Variants in KCNAB2 observed in about 807,000 individuals in gnomAD.
KCNAB2 encodes the protein potassium voltage-gated channel subfamily A regulatory beta subunit 2, also known as voltage-gated potassium channel subunit beta-2.
In KCNAB2, 29 loss-of-function variants were observed where a neutral mutation model predicts 63.6. The observed-to-expected ratio is 0.46, with a 90% CI of 0.34 to 0.62. The LOEUF (loss-of-function observed/expected upper bound fraction) is 0.62. Among genes scored for constraint, KCNAB2 ranks in the 20% least tolerant of loss-of-function variants. The pLI, the probability that KCNAB2 is intolerant of heterozygous loss-of-function variation, is 0.01. For synonymous variants in KCNAB2, 222 were observed against 224.2 expected, an observed-to-expected ratio of 0.99 and a Z score of 0.09; for missense variants, 359 against 563.9, an observed-to-expected ratio of 0.64 and a Z score of 3.68.
chr1:6,068,433 A>G (rs749393167), intron 2 of KCNAB2, among the ~76,000 whole-genome samples: 2 of 152,304 alleles, frequency 1.3e-5, no homozygotes, highest in Non-Finnish European at 2.9e-5. Flanking sequence ...TCTGCAGACC[A>G]GAGTTCAAAT....
rs568006745 is a variant in KCNAB2, at chr1:6,025,523, G to A, written c.-52-14994G>A. Among the ~76,000 whole-genome samples, 36 of 152,324 alleles carry A rather than the reference G, an allele frequency of 2.4e-4. No individual in the cohort carries two copies. In the East Asian group the frequency reaches 6.8e-3, roughly 29 times the overall value. On this transcript the variant is annotated intron_variant, in intron 1 of 16. Coordinates refer to the KCNAB2 transcript ENST00000341524. Reference sequence around the variant, plus strand: ...AAGAAGGAATGGCAGAGCAGGGAGAGGCCGCGGGGAGGGAGAAAAACCCCG... The same window carrying A: ...AAGAAGGAATGGCAGAGCAGGGAGAAGCCGCGGGGAGGGAGAAAAACCCCG...
At chr1:5,999,916 G>T (rs761485653) in intron 1 of KCNAB2, among the ~76,000 whole-genome samples, 4 of 143,482 alleles carry the variant, frequency 2.8e-5, no homozygotes, top group African/African-American at 1.1e-4. Context: ...TGCCCTGTCT[G>T]TGCCCCGTCC....
intron 1 of KCNAB2, among the ~76,000 whole-genome samples, chr1:6,022,919 G>T (rs1458759806): frequency 2.3e-5 from 3 of 129,400 alleles, no homozygotes; most frequent in African/African-American, 9.0e-5. Context: ...GGGTCTCGCT[G>T]TCACCCAGGC....
At chr1:6,083,889 A>G (rs536526897) in intron 5 of KCNAB2, among the ~76,000 whole-genome samples, 1 of 152,234 alleles carries the variant, frequency 6.6e-6, no homozygotes, top group Non-Finnish European at 1.5e-5. Context: ...AGCCAGAGCC[A>G]CAAGCCACAG....
At chr1:6,016,202 AG>A (rs1658485070) in intron 1 of KCNAB2, among the ~76,000 whole-genome samples, 1 of 152,090 alleles carries the variant, frequency 6.6e-6, no homozygotes, top group African/African-American at 2.4e-5. Flanking sequence ...AGAGCGAAGG[AG>A]GCTTCCCACG....
rs1335673643 is a variant in KCNAB2 at position 5,994,354 on chromosome 1, C to G, written c.-53+1566C>G. On this transcript the variant is annotated intron_variant, in intron 1 of 16. Transcript: ENST00000341524. This position sits in a 1 kb window ranked among gnomAD's most constrained non-coding sequence, Gnocchi z 5.4. Reference sequence around the variant, plus strand: ...GCCGTGTCTGCTGCAGAGCCCTGTGCAGCTCCTGGCCCTGTGCTCTCGCAG... The same window carrying G: ...GCCGTGTCTGCTGCAGAGCCCTGTGGAGCTCCTGGCCCTGTGCTCTCGCAG... 6.6e-6 allele frequency among the ~76,000 whole-genome samples: 1 copy of G among 152,248 alleles called. No individual in the cohort carries two copies. The highest frequency in any genetic ancestry group is 1.5e-5 in the Non-Finnish European group (1 of 68,042).
At chr1:6,079,039 G>A (rs187708206) in intron 4 of KCNAB2, among the ~76,000 whole-genome samples, 59 of 152,306 alleles carry the variant, frequency 3.9e-4, no homozygotes, top group Non-Finnish European at 5.4e-4. Context: ...AGGGGAAGCC[G>A]CGGCAGGGGC....
chr1:6,078,648 C>T lies in KCNAB2; in HGVS notation c.301-3547C>T, dbSNP rs183405143. ...TGGAGACTTTGGCTTTGACCCTCTG[C>T]GAGATGGAAGCCCCTGGAGGGCTTT... On this transcript the variant is annotated intron_variant, in intron 4 of 15. Coordinates refer to ENST00000378083, the MANE Select transcript of KCNAB2 (RefSeq NM_001199862.2). The surrounding 1 kb of genome is among the most constrained non-coding windows in gnomAD (Gnocchi z 4.2). Among the ~76,000 whole-genome samples the T allele has an allele frequency of 8.6e-4, 131 of 152,242 alleles. 1 individual carries two copies. Among genetic ancestry groups the T allele is most frequent in the Admixed American group, 3.4e-3 (52 of 15,294 alleles).
intron 1 of KCNAB2, among the ~76,000 whole-genome samples, chr1:6,047,540 CCTGCAAAGAG>C (rs1246308113): frequency 6.6e-6 from 1 of 152,154 alleles, no homozygotes; most frequent in Non-Finnish European, 1.5e-5. Flanking sequence ...GAGAGGGTGA[CCTGCAAAGAG>C]CTGCTGGGTC....
At chr1:6,091,421 C>A in intron 10 of KCNAB2, 114 bp downstream of exon 10, 2 of 794,668 alleles carry the variant, frequency 2.5e-6, no homozygotes, top group Non-Finnish European at 4.0e-6. Context: ...CCATAAAATG[C>A]ATAAAGAGGG....
intron 2 of KCNAB2, among the ~76,000 whole-genome samples, chr1:6,062,659 C>T (rs919274213): frequency 2.4e-4 from 36 of 152,072 alleles, no homozygotes; most frequent in African/African-American, 8.0e-4. Flanking sequence ...AGCTTCATAG[C>T]GCACACACAC....
chr1:6,059,878 G>A (rs888148611), intron 2 of KCNAB2, among the ~76,000 whole-genome samples: 6 of 152,110 alleles, frequency 3.9e-5, no homozygotes, highest in Non-Finnish European at 8.8e-5. Context: ...GCACACACAT[G>A]GCCTGCAGGA....
chr1:6,012,736 TGGG>T (rs1270433299), intron 1 of KCNAB2, among the ~76,000 whole-genome samples: 3 of 147,762 alleles, frequency 2.0e-5, no homozygotes, highest in African/African-American at 7.5e-5. Flanking sequence ...GTGGAGGTGA[TGGG>T]GGAGGAGGAG....
Position 6,095,455 on chromosome 1 carries a change from C to T in KCNAB2, c.853+12C>T, listed in dbSNP as rs753786884. 8.1e-6 allele frequency: 13 copies of T among 1,612,582 alleles called. No individual in the cohort carries two copies. The highest frequency in any genetic ancestry group is 5.3e-5 in the African/African-American group (4 of 74,940). ...GTTCCACAAGATAGGTGGGCACCCT[C>T]GGGCCCCTCGCCCCGCCCCACCCCA... is the stretch of plus-strand genomic sequence containing the variant. On this transcript the variant is annotated intron_variant, in intron 12 of 15. Transcript: ENST00000378083.
upstream of KCNAB2, among the ~76,000 whole-genome samples, chr1:6,031,549 G>A (rs1383587503): frequency 1.3e-5 from 2 of 152,152 alleles, no homozygotes; most frequent in African/African-American, 4.8e-5. The surrounding 1 kb of genome is among the most constrained non-coding windows in gnomAD (Gnocchi z 4.1). Flanking sequence ...TCTTCCTTGT[G>A]TGTCCTTGCC....
intron 1 of KCNAB2, among the ~76,000 whole-genome samples, chr1:6,009,865 C>CTTTT (rs1045188193): frequency 7.1e-6 from 1 of 140,554 alleles, no homozygotes; most frequent in Non-Finnish European, 1.5e-5. Context: ...TATTTCTTTT[C>CTTTT]TTTTTTTCTT....
chr1:6,060,842 G>A (rs1040488148), intron 2 of KCNAB2, among the ~76,000 whole-genome samples: 4 of 147,028 alleles, frequency 2.7e-5, no homozygotes, highest in Non-Finnish European at 3.0e-5. Flanking sequence ...GGTGGAGGTT[G>A]CAGTGAGCCA....
At position 6,100,337 on chromosome 1, in the gene KCNAB2, T is replaced by G; in HGVS notation, c.*1763T>G. On this transcript the variant is annotated 3_prime_UTR_variant, in exon 16 of 16. Coordinates refer to ENST00000378083, the MANE Select transcript of KCNAB2 (RefSeq NM_001199862.2). ...CCCGGGGGTCTCCACTCAGTCCTGC[T>G]GCCTGCTTCACCAGAAGCAGCCCTG... The G allele has an allele frequency of 3.4e-6, 1 of 296,576 alleles. No individual in the cohort carries two copies. The highest frequency in any genetic ancestry group is 6.2e-6 in the Non-Finnish European group (1 of 161,032). 18.4% of individuals were successfully genotyped at this position (296,576 alleles called of 1,614,324 possible).
At chr1:6,022,939 G>C (rs1279607427) in intron 1 of KCNAB2, among the ~76,000 whole-genome samples, 1 of 143,910 alleles carries the variant, frequency 6.9e-6, no homozygotes, top group Non-Finnish European at 1.5e-5. Flanking sequence ...CTGGAGGGCA[G>C]TGGCGCGATC....
Sources: gnomAD v4.1 joint callset for allele counts (sites outside exome capture counted in the v4.1 genomes callset) on GRCh38, gnomAD v4.1.1 for gene constraint, Gnocchi (gnomAD v3.1) non-coding constraint, MANE v1.5 for transcripts, NCBI Gene and HGNC (gene_info 2026-07-23, HGNC 2026-07-21) for gene names.